RABL6: variants seen among roughly 807,000 people sequenced by gnomAD.
RABL6 encodes the protein rab-like protein 6.
Under a neutral mutation model 72.9 loss-of-function variants are expected in RABL6, and 28 were observed. The observed-to-expected ratio is 0.38, with a 90% CI of 0.28 to 0.53. The LOEUF is 0.53. Among genes scored for constraint, RABL6 ranks in the 20% least tolerant of loss-of-function variants. The probability of loss-of-function intolerance (pLI) is 0.80; values close to 1 mark genes in which losing one functional copy is unlikely to be tolerated. For synonymous variants in RABL6, 477 were observed against 421.2 expected (o/e 1.13, Z -1.62); for missense variants, 1,029 against 1,008.4 (o/e 1.02, Z -0.28).
At chr9:136,815,644 GGGCCCTTGTAAT>G (rs1848104950) in intron 1 of RABL6, 1 of 161,708 alleles carries the variant, frequency 6.2e-6, no homozygotes, top group South Asian at 1.7e-4. Context: ...GGAGGTGGCT[GGGCCCTTGTAAT>G]GGGCCCAGGA....
chr9:136,840,554 G>T lies in RABL6; in HGVS notation c.*32G>T. ...GTGGGCAGTGGCCGCCCTGGGGCGG[G>T]GGGCGTGCCTGTCACTGCCTGGGGA... On this transcript the variant is annotated 3_prime_UTR_variant, in exon 15 of 15. Transcript: ENST00000311502. The T allele has an allele frequency of 3.9e-6, 6 of 1,546,904 alleles. No individual in the cohort carries two copies. The highest frequency in any genetic ancestry group is 4.4e-6 in the Non-Finnish European group (5 of 1,146,158).
At chr9:136,819,049 G>A (rs539997909) in intron 1 of RABL6, among the ~76,000 whole-genome samples, 274 of 152,098 alleles carry the variant, frequency 1.8e-3, no homozygotes, top group African/African-American at 5.9e-3. Flanking sequence ...CAGGCCGGGC[G>A]CGGTGGCTCA....
At position 136,839,266 on chromosome 9, in the gene RABL6, C is replaced by G; in HGVS notation, c.1538C>G (p.Thr513Arg). Residue 513 changes from threonine to arginine, a missense_variant, in exon 12 of 15, where the codon ACG becomes AGG. Coordinates refer to ENST00000311502, the MANE Select transcript of RABL6 (RefSeq NM_024718.5). ...AAGCCACGGAGGGGGACAGCTCCCACGAGGACCGCAGCACCCCCCTGGCCA... is the reference window on the plus strand; with the variant it reads ...AAGCCACGGAGGGGGACAGCTCCCAGGAGGACCGCAGCACCCCCCTGGCCA... ...ASKPRRGTAP[T>R]RTAAPPWPGG... 6.2e-7 allele frequency: 1 copy of G among 1,606,776 alleles called. No individual in the cohort carries two copies. The highest frequency in any genetic ancestry group is 8.5e-7 in the Non-Finnish European group (1 of 1,177,182).
chr9:136,838,725 C>T (rs1848628826), intron 10 of RABL6, among the ~76,000 whole-genome samples, 184 bp from the exon 11 acceptor site: 1 of 148,232 alleles, frequency 6.7e-6, no homozygotes, highest in African/African-American at 2.5e-5. Flanking sequence ...CCTTGTGCCC[C>T]CGACCCCTTC....
chr9:136,838,217 C>T (rs1406733326), intron 10 of RABL6, among the ~76,000 whole-genome samples: 1 of 152,216 alleles, frequency 6.6e-6, no homozygotes, highest in African/African-American at 2.4e-5. Context: ...AAGGCCTGGC[C>T]ACCTGCTCTG....
intron 7 of RABL6, 114 bp from the exon 8 acceptor site, chr9:136,835,628 G>A (rs1319295015): frequency 5.7e-6 from 5 of 879,812 alleles, no homozygotes; most frequent in Admixed American, 2.7e-5. Context: ...CAGCCCTGCA[G>A]CATCTCCTGG....
chr9:136,823,517 G>T lies in RABL6; in HGVS notation c.131-8G>T, dbSNP rs770953163. The T allele has an allele frequency of 1.9e-6, 3 of 1,613,088 alleles. No homozygotes were observed. Among genetic ancestry groups the T allele is most frequent in the South Asian group, 1.1e-5 (1 of 91,034 alleles). On this transcript the variant is annotated splice_polypyrimidine_tract_variant and splice_region_variant and intron_variant, in intron 1 of 14. Transcript: ENST00000311502. ...ATTTGCCTTTTCTTTTTCTCTTCCC[G>T]TCCCCAGTGAAGATAGTGATCCGGG...
chr9:136,834,519 T>C, intron 7 of RABL6: 1 of 937,410 alleles, frequency 1.1e-6, no homozygotes, highest in Non-Finnish European at 1.3e-6. Flanking sequence ...TCTCACTCTG[T>C]CCAGGCTGGA....
chr9:136,840,765 C>A lies in RABL6; in HGVS notation c.*243C>A. 3.2e-6 allele frequency: 5 copies of A among 1,548,170 alleles called. No individual in the cohort carries two copies. The highest frequency in any genetic ancestry group is 4.4e-6 in the Non-Finnish European group (5 of 1,146,810). ...GCTGGCTTCAGCCAGGCTCGGTGGA[C>A]ACCCTGGCCCTCTCGGGGCAGAGCC... On this transcript the variant is annotated 3_prime_UTR_variant, in exon 15 of 15. Coordinates refer to ENST00000311502, the MANE Select transcript of RABL6 (RefSeq NM_024718.5).
intron 1 of RABL6, among the ~76,000 whole-genome samples, chr9:136,819,474 C>T (rs113544674): frequency 3.3e-5 from 5 of 152,128 alleles, no homozygotes; most frequent in African/African-American, 1.2e-4. Context: ...CTCACCAGCT[C>T]GAAAGAATGT....
Position 136,831,865 on chromosome 9 carries a change from G to A in RABL6, c.599+4G>A, listed in dbSNP as rs771795020. The A allele has an allele frequency of 3.7e-6, 6 of 1,606,916 alleles. No homozygotes were observed. The African/African-American group carries it at 4.0e-5, about 11-fold the overall frequency. ...ACTTCATCGACAACCTGGACAGGTG[G>A]GTGCGGTGGCCCTGCTCCCGAGGGA... On this transcript the variant is annotated splice_donor_region_variant and intron_variant, in intron 6 of 14. Coordinates refer to ENST00000311502, the MANE Select transcript of RABL6 (RefSeq NM_024718.5).
chr9:136,813,120 A>G, intron 1 of RABL6: 1 of 423,112 alleles, frequency 2.4e-6, no homozygotes, highest in Middle Eastern at 4.4e-4. Context: ...AAGCCTCTTC[A>G]GTGGTGTCCT....
At chr9:136,816,283 T>C (rs1848117298) in intron 1 of RABL6, among the ~76,000 whole-genome samples, 1 of 152,136 alleles carries the variant, frequency 6.6e-6, no homozygotes, top group South Asian at 2.1e-4. Flanking sequence ...TTTTGTAATT[T>C]TTGTAGAGAC....
At chr9:136,824,396 T>G (rs1337778150) in intron 2 of RABL6, among the ~76,000 whole-genome samples, 1 of 138,362 alleles carries the variant, frequency 7.2e-6, no homozygotes, top group Non-Finnish European at 1.5e-5. Flanking sequence ...AGTGGTGAGA[T>G]CTCGGCTCAC....
chr9:136,840,613 GCC>G lies in RABL6; in HGVS notation c.*94_*95del. The G allele has an allele frequency of 6.5e-7, 1 of 1,549,616 alleles. No individual in the cohort carries two copies. The highest frequency in any genetic ancestry group is 8.7e-7 in the Non-Finnish European group (1 of 1,146,844). ...CCTCTGTACCATCGCCTTTGCCGCT[GCC>G]CCGTGGCTGCCGTGTGCGCTTCTGA... On this transcript the variant is annotated 3_prime_UTR_variant, in exon 15 of 15. Coordinates refer to ENST00000311502, the MANE Select transcript of RABL6 (RefSeq NM_024718.5).
intron 13 of RABL6, 136 bp from the exon 14 acceptor site, chr9:136,840,018 G>C: frequency 6.8e-7 from 1 of 1,477,598 alleles, no homozygotes; most frequent in Non-Finnish European, 9.4e-7. Flanking sequence ...GATGTTTGCA[G>C]TGTGGTCCTG....
At chr9:136,815,042 T>G (rs371637518) in intron 1 of RABL6, 39 of 186,764 alleles carry the variant, frequency 2.1e-4, no homozygotes, top group African/African-American at 9.1e-4. Context: ...AGGTGCTGCT[T>G]CAGAGCCATC....
chr9:136,829,827 C>T (rs1310304770), intron 5 of RABL6, among the ~76,000 whole-genome samples: 3 of 152,264 alleles, frequency 2.0e-5, no homozygotes, highest in Non-Finnish European at 2.9e-5. Context: ...CCGCGACCTC[C>T]GTCTTCATGA....
Position 136,839,376 on chromosome 9 carries a change from GCCT to G in RABL6, c.1653_1655del (p.Ser553del), listed in dbSNP as rs915587510. The G allele has an allele frequency of 3.7e-6, 6 of 1,612,456 alleles. No individual in the cohort carries two copies. In the African/African-American group the frequency reaches 5.3e-5, roughly 14 times the overall value. On this transcript the variant is annotated inframe_deletion, in exon 12 of 15. Coordinates refer to ENST00000311502, the MANE Select transcript of RABL6 (RefSeq NM_024718.5). ...GATGGAGCCGGGGAAGGGTGAGCAG[GCCT>G]CCTCGTCGGAGAGTGACCCCGAGGG...
Sources: gnomAD v4.1 joint callset for allele counts (sites outside exome capture counted in the v4.1 genomes callset) on GRCh38, gnomAD v4.1.1 for gene constraint, MANE v1.5 for transcripts, NCBI Gene and HGNC (gene_info 2026-07-23, HGNC 2026-07-21) for gene names.